Variants in PPT2 observed in about 807,000 individuals in gnomAD.
The protein encoded by PPT2 is palmitoyl-protein thioesterase 2.
A neutral mutation model predicts 37.3 loss-of-function variants in PPT2; 20 were observed. The observed-to-expected ratio is 0.54, with a 90% CI of 0.38 to 0.78. The LOEUF is 0.78. Ranked by LOEUF, PPT2 falls within the 30% of genes least tolerant of loss-of-function variation. PPT2 has a pLI of 0.00. For missense variants in PPT2, 270 were observed against 389.8 expected (o/e 0.69, Z 2.59); for synonymous variants, 135 against 159.1 (o/e 0.85, Z 1.14).
Position 32,155,141 on chromosome 6 carries a change from G to T in PPT2, c.295G>T (p.Ala99Ser), listed in dbSNP as rs764309245. Residue 99 changes from alanine (A) to serine (S), a missense_variant, in exon 3 of 9, where the codon GCA becomes TCA. Transcript: ENST00000324816. The surrounding 1 kb of genome is among the most constrained non-coding windows in gnomAD (Gnocchi z 4.3). ...GFREAVVPIMAKAPQGVHLIC... is the reference protein window; with the variant it reads ...GFREAVVPIMSKAPQGVHLIC... ...CCGAGAGGCTGTGGTCCCCATCATGGCAAAGGCCCCTCAAGGGGTGCATCT... is the reference window on the plus strand; with the variant it reads ...CCGAGAGGCTGTGGTCCCCATCATGTCAAAGGCCCCTCAAGGGGTGCATCT... 6.2e-7 allele frequency: 1 copy of T among 1,613,090 alleles called. No homozygotes were observed. Among genetic ancestry groups the T allele is most frequent in the Non-Finnish European group, 8.5e-7 (1 of 1,179,994 alleles).
chr6:32,157,862 T>TG lies in PPT2; in HGVS notation c.649dup (p.Val217GlyfsTer11). 6.2e-7 allele frequency: 1 copy of TG among 1,612,940 alleles called. No homozygotes were observed. Among genetic ancestry groups the TG allele is most frequent in the Middle Eastern group, 1.6e-4 (1 of 6,062 alleles). ...CAGTATGGCGGAAGAACTTTCTGCG[T>TG]GTGGGCCACCTGGTGCTGATTGGGG... On this transcript the variant is annotated frameshift_variant, in exon 7 of 9. Coordinates refer to ENST00000324816, the MANE Select transcript of PPT2 (RefSeq NM_005155.7). LOFTEE classifies it high-confidence loss of function.
At position 32,159,451 on chromosome 6, in the gene PPT2, AAT is replaced by A. The variant is rs1169913404; in HGVS notation, c.710+1548_710+1549del. Among the ~76,000 whole-genome samples the A allele has an allele frequency of 3.2e-3, 372 of 115,002 alleles. 18 individuals carry two copies. The highest frequency in any genetic ancestry group is 8.9e-3 in the Middle Eastern group (2 of 224). The allele number at this position is 115,002 out of a possible 152,430, so 75.4% of individuals were successfully genotyped here. On this transcript the variant is annotated intron_variant, in intron 7 of 8. Coordinates refer to ENST00000324816, the MANE Select transcript of PPT2 (RefSeq NM_005155.7). ...TCCATCTCAAAAAAAAAAAAAAAAA[AAT>A]ATATATATATATATATATATCCTCA...
chr6:32,153,747 G>A (rs908737056), upstream of PPT2: 21 of 1,357,076 alleles, frequency 1.5e-5, no homozygotes, highest in Non-Finnish European at 2.1e-5. The surrounding 1 kb of genome is among the most constrained non-coding windows in gnomAD (Gnocchi z 4.4). Context: ...CCAGCACACG[G>A]CAAAATGCAG....
At chr6:32,160,541 C>A (rs1449310486) in intron 7 of PPT2, among the ~76,000 whole-genome samples, 3 of 151,526 alleles carry the variant, frequency 2.0e-5, no homozygotes, top group Non-Finnish European at 2.9e-5. Context: ...TGGTGGCGCA[C>A]GCCTGTAGTT....
upstream of PPT2, chr6:32,153,646 T>C: frequency 9.7e-7 from 1 of 1,028,272 alleles, no homozygotes. This position sits in a 1 kb window ranked among gnomAD's most constrained non-coding sequence, Gnocchi z 4.4. Context: ...TGTAAGTCGC[T>C]GACCTGGGGC....
At chr6:32,153,603 C>G (rs1311093400), upstream of PPT2, 5 of 1,549,838 alleles carry the variant, frequency 3.2e-6, no homozygotes, top group Admixed American at 9.3e-5. This position sits in a 1 kb window ranked among gnomAD's most constrained non-coding sequence, Gnocchi z 4.4. Context: ...TCTCTGGAGA[C>G]AAGGGCACTA....
chr6:32,154,328 T>G lies in PPT2; in HGVS notation c.-85T>G. ...TCCGCGTTGTTCATGGCTGAGGCGA[T>G]GCATTAGGAAGATCCTGGACCTAGA... On this transcript the variant is annotated 5_prime_UTR_variant, in exon 1 of 9. An upstream start codon of the reference 5' UTR is lost. Coordinates refer to ENST00000324816, the MANE Select transcript of PPT2 (RefSeq NM_005155.7). The surrounding 1 kb of genome is among the most constrained non-coding windows in gnomAD (Gnocchi z 7.3). The G allele has an allele frequency of 7.2e-7, 1 of 1,391,850 alleles. No homozygotes were observed. Among genetic ancestry groups the G allele is most frequent in the Non-Finnish European group, 9.3e-7 (1 of 1,077,616 alleles). 86.2% of individuals were successfully genotyped at this position (1,391,850 alleles called of 1,614,324 possible). A position where few individuals can be genotyped will look rare whatever the true frequency, so the allele number is the denominator to read the frequency against.
chr6:32,155,554 T>G lies in PPT2; in HGVS notation c.338-134T>G. 1.3e-6 allele frequency: 1 copy of G among 797,066 alleles called. No individual in the cohort carries two copies. Among genetic ancestry groups the G allele is most frequent in the Non-Finnish European group, 2.1e-6 (1 of 473,620 alleles). 49.4% of individuals were successfully genotyped at this position (797,066 alleles called of 1,614,324 possible). A position where few individuals can be genotyped will look rare whatever the true frequency, so the allele number is the denominator to read the frequency against. ...CTGCCTTCTGTAAGCCTCAGTCTCC[T>G]TTGTGTACAGTGTGTGTCTGTGTGT... On this transcript the variant is annotated intron_variant, in intron 3 of 8. Coordinates refer to ENST00000324816, the MANE Select transcript of PPT2 (RefSeq NM_005155.7). This position sits in a 1 kb window ranked among gnomAD's most constrained non-coding sequence, Gnocchi z 4.3.
In PPT2 at chr6:32,157,917, C is replaced by T; in HGVS notation, c.703C>T (p.Gln235Ter). The T allele has an allele frequency of 6.2e-7, 1 of 1,609,372 alleles. No homozygotes were observed. The highest frequency in any genetic ancestry group is 8.5e-7 in the Non-Finnish European group (1 of 1,176,978). Residue 235 changes from glutamine (Q) to a stop codon, truncating the protein, a stop_gained, in exon 7 of 9, where the codon CAG (glutamine) becomes TAG (stop). Transcript: ENST00000324816. LOFTEE classifies it high-confidence loss of function. Reference protein sequence around the residue: ...GPDDGVITPWQSSFFGFYDAN... With the variant: ...GPDDGVITPW ...TGATGATGGTGTTATTACTCCCTGG[C>T]AGTCCAGGTAATAAGGGATTTTGTG...
Position 32,154,305 on chromosome 6 carries a change from C to T in PPT2, c.-108C>T. On this transcript the variant is annotated 5_prime_UTR_variant, in exon 1 of 9. Transcript: ENST00000324816. The surrounding 1 kb of genome is among the most constrained non-coding windows in gnomAD (Gnocchi z 7.3). ...GCTGCTCACGGGTATTAAAGAACTC[C>T]GCGTTGTTCATGGCTGAGGCGATGC... The T allele has an allele frequency of 7.3e-7, 1 of 1,362,540 alleles. No individual in the cohort carries two copies. Among genetic ancestry groups the T allele is most frequent in the African/African-American group, 1.5e-5 (1 of 68,074 alleles). 84.4% of individuals were successfully genotyped at this position (1,362,540 alleles called of 1,614,324 possible). A position where few individuals can be genotyped will look rare whatever the true frequency, so the allele number is the denominator to read the frequency against.
intron 7 of PPT2, among the ~76,000 whole-genome samples, chr6:32,158,970 T>A (rs907481911): frequency 5.3e-5 from 8 of 151,984 alleles, no homozygotes; most frequent in African/African-American, 9.7e-5. Flanking sequence ...CCCTTGATAT[T>A]TTTTTTTCTT....
chr6:32,154,434 G>A lies in PPT2; in HGVS notation c.-9+30G>A. 1 of 1,475,976 alleles carries A rather than the reference G, an allele frequency of 6.8e-7. No homozygotes were observed. The highest frequency in any genetic ancestry group is 8.9e-7 in the Non-Finnish European group (1 of 1,120,164). 91.4% of individuals were successfully genotyped at this position (1,475,976 alleles called of 1,614,324 possible). A position where few individuals can be genotyped will look rare whatever the true frequency, so the allele number is the denominator to read the frequency against. ...GTCAACGTGGTGGGGGGGTGTGTTT[G>A]TAGGGAGAGGGCTGGAGTAAGTTAA... On this transcript the variant is annotated intron_variant, in intron 1 of 8. Transcript: ENST00000324816. This position sits in a 1 kb window ranked among gnomAD's most constrained non-coding sequence, Gnocchi z 7.3.
Position 32,162,563 on chromosome 6 carries a change from T to G in PPT2, c.711-5T>G. ...CTGATAACCTCCCCCCAAATCTCTTTGTAGCTTCTTTGGTTTCTATGATGC... is the reference window on the plus strand; with the variant it reads ...CTGATAACCTCCCCCCAAATCTCTTGGTAGCTTCTTTGGTTTCTATGATGC... On this transcript the variant is annotated splice_polypyrimidine_tract_variant and splice_region_variant and intron_variant, in intron 7 of 8. Coordinates refer to ENST00000324816, the MANE Select transcript of PPT2 (RefSeq NM_005155.7). The surrounding 1 kb of genome is among the most constrained non-coding windows in gnomAD (Gnocchi z 5.5). The G allele has an allele frequency of 6.2e-7, 1 of 1,607,698 alleles. No homozygotes were observed. The highest frequency in any genetic ancestry group is 8.5e-7 in the Non-Finnish European group (1 of 1,174,122).
chr6:32,156,120 T>C lies in PPT2; in HGVS notation c.541+142T>C. The C allele has an allele frequency of 1.4e-6, 1 of 710,092 alleles. No homozygotes were observed. The highest frequency in any genetic ancestry group is 2.3e-6 in the Non-Finnish European group (1 of 429,334). The allele number at this position is 710,092 out of a possible 1,614,324, so 44.0% of individuals were successfully genotyped here. ...CAGGCTCTGTTCAGAATTTTTTTTT[T>C]TTTTGAGACGGAGTCTTGTTCTGTT... On this transcript the variant is annotated intron_variant, in intron 5 of 8. Transcript: ENST00000324816. The surrounding 1 kb of genome is among the most constrained non-coding windows in gnomAD (Gnocchi z 4.9).
At chr6:32,157,517 T>C (rs1783874497) in intron 5 of PPT2, 120 bp from the exon 6 acceptor site, 1 of 850,562 alleles carries the variant, frequency 1.2e-6, no homozygotes, top group African/African-American at 1.7e-5. Flanking sequence ...CTGGCCTACA[T>C]TATCACTACT....
upstream of PPT2, chr6:32,153,581 G>A (rs1188251733): frequency 6.3e-7 from 1 of 1,583,704 alleles, no homozygotes; most frequent in South Asian, 1.2e-5. The surrounding 1 kb of genome is among the most constrained non-coding windows in gnomAD (Gnocchi z 4.4). Context: ...GGGGCCTCGA[G>A]GACTCTCTGC....
chr6:32,154,641 T>C lies in PPT2; in HGVS notation c.47T>C (p.Leu16Pro). 6.2e-7 allele frequency: 1 copy of C among 1,612,772 alleles called. No individual in the cohort carries two copies. Among genetic ancestry groups the C allele is most frequent in the Non-Finnish European group, 8.5e-7 (1 of 1,179,866 alleles). Residue 16 changes from leucine to proline, a missense_variant, in exon 2 of 9, where the codon CTT (leucine) becomes CCT (proline). Leu to Pro is a moderately conservative substitution (Grantham distance 98, BLOSUM62 -3). Transcript: ENST00000324816. This position sits in a 1 kb window ranked among gnomAD's most constrained non-coding sequence, Gnocchi z 7.3. ...GQRLPAAWVL[L>P]LLPFLPLLLL... ...CGGCTCCCCGCGGCGTGGGTCCTGCTTCTGTTGCCTTTCCTGCCGCTGCTG... is the reference window on the plus strand; with the variant it reads ...CGGCTCCCCGCGGCGTGGGTCCTGCCTCTGTTGCCTTTCCTGCCGCTGCTG...
intron 5 of PPT2, 55 bp from the exon 6 acceptor site, chr6:32,157,582 C>G: frequency 7.0e-7 from 1 of 1,434,336 alleles, no homozygotes; most frequent in Non-Finnish European, 9.8e-7. Context: ...GGGCTTTTCA[C>G]CACCAGTCTT....
In PPT2 at chr6:32,154,626, C is replaced by T; in HGVS notation, c.32C>T (p.Ala11Val). 1 of 1,612,042 alleles carries T rather than the reference C, an allele frequency of 6.2e-7. No individual in the cohort carries two copies. Among genetic ancestry groups the T allele is most frequent in the Non-Finnish European group, 8.5e-7 (1 of 1,179,440 alleles). Residue 11 changes from alanine (A) to valine (V), a missense_variant, in exon 2 of 9, where the codon GCG (alanine) becomes GTG (valine). By Grantham distance (64) the Ala-to-Val change is moderately conservative. Coordinates refer to ENST00000324816, the MANE Select transcript of PPT2 (RefSeq NM_005155.7). The surrounding 1 kb of genome is among the most constrained non-coding windows in gnomAD (Gnocchi z 7.3). Reference protein sequence around the residue: MLGLCGQRLPAAWVLLLLPFL... With the variant: MLGLCGQRLPVAWVLLLLPFL... ...GGGCTCTGCGGGCAGCGGCTCCCCGCGGCGTGGGTCCTGCTTCTGTTGCCT... is the reference window on the plus strand; with the variant it reads ...GGGCTCTGCGGGCAGCGGCTCCCCGTGGCGTGGGTCCTGCTTCTGTTGCCT...
Sources: allele counts gnomAD v4.1 joint callset (sites outside exome capture counted in the v4.1 genomes callset), GRCh38; gene constraint gnomAD v4.1.1; non-coding constraint Gnocchi (gnomAD v3.1); transcripts MANE v1.5; gene names NCBI Gene and HGNC (gene_info 2026-07-23, HGNC 2026-07-21).